Variants in ANKRD26 observed in about 807,000 individuals in gnomAD.
ANKRD26 encodes ankyrin repeat domain 26, also known as ankyrin repeat domain-containing protein 26.
ANKRD26 carries 141 observed loss-of-function variants against 208.7 expected under a neutral mutation model. That is an observed-to-expected ratio of 0.68 (90% CI 0.59 to 0.78). The LOEUF (loss-of-function observed/expected upper bound fraction) is 0.78. ANKRD26 is among the 30% of genes least tolerant of loss of function. ANKRD26 has a pLI of 0.00. For missense variants in ANKRD26, 1,889 were observed against 1,938.7 expected (o/e 0.97, Z 0.48); for synonymous variants, 636 against 660.4 (o/e 0.96, Z 0.57).
rs1205847358 is a variant in ANKRD26 at position 27,014,497 on chromosome 10, G to T, written c.4721C>A (p.Thr1574Asn). Reference sequence around the variant, plus strand: ...ATGATTCTATATTTTGACTTACTTGGTTAGTTTACTTGACAAAGATTTTCT... The same window carrying T: ...ATGATTCTATATTTTGACTTACTTGTTTAGTTTACTTGACAAAGATTTTCT... ...KVRKSLSSKL[T>N]KTNERLAEVN... Residue 1574 changes from threonine (T) to asparagine (N), a missense_variant, in exon 31 of 34, where the codon ACC (threonine) becomes AAC (asparagine). By Grantham distance (65) the Thr-to-Asn change is moderately conservative. Transcript: ENST00000376087. 3 of 1,554,714 alleles carry T rather than the reference G, an allele frequency of 1.9e-6. No homozygotes were observed. Among genetic ancestry groups the T allele is most frequent in the Non-Finnish European group, 2.7e-6 (3 of 1,131,922 alleles).
At chr10:27,037,087 A>G in intron 23 of ANKRD26, 99 bp downstream of exon 23, 1 of 1,289,024 alleles carries the variant, frequency 7.8e-7, no homozygotes, top group Non-Finnish European at 1.1e-6. Context: ...AAAATCCTCG[A>G]CACTTTCCAA....
chr10:27,013,948 C>T (rs766633774), intron 31 of ANKRD26, among the ~76,000 whole-genome samples: 3 of 152,148 alleles, frequency 2.0e-5, no homozygotes, highest in Non-Finnish European at 4.4e-5. Context: ...TTCATCCCTA[C>T]GTTAATCATT....
intron 27 of ANKRD26, among the ~76,000 whole-genome samples, chr10:27,025,368 G>T (rs539920330): frequency 5.3e-4 from 81 of 152,022 alleles, no homozygotes; most frequent in African/African-American, 1.8e-3. Flanking sequence ...ACAGAGTTTT[G>T]CTATGCTGCC....
intron 5 of ANKRD26, among the ~76,000 whole-genome samples, chr10:26,976,679 T>C (rs1437202120): frequency 6.6e-6 from 1 of 152,180 alleles, no homozygotes; most frequent in Non-Finnish European, 1.5e-5. Flanking sequence ...ATTTTTTTTT[T>C]ATTGAGGTTT....
At chr10:27,098,711 G>C (rs2056547878) in intron 1 of ANKRD26, among the ~76,000 whole-genome samples, 1 of 151,950 alleles carries the variant, frequency 6.6e-6, no homozygotes, top group Admixed American at 6.6e-5. Flanking sequence ...ACCATGCCCG[G>C]CTGATTTTTT....
downstream of ANKRD26, among the ~76,000 whole-genome samples, chr10:26,989,194 C>T (rs529599427): frequency 6.6e-6 from 1 of 152,156 alleles, no homozygotes; most frequent in East Asian, 1.9e-4. Context: ...TGGCCTTAAG[C>T]AAATGTTCCC....
intron 12 of ANKRD26, among the ~76,000 whole-genome samples, chr10:27,062,992 T>C (rs2055117027): frequency 6.6e-6 from 1 of 152,182 alleles, no homozygotes; most frequent in African/African-American, 2.4e-5. Context: ...GATCTCGAAC[T>C]CCTGACCTCA....
intron 5 of ANKRD26, among the ~76,000 whole-genome samples, chr10:26,979,178 C>T (rs1364526979): frequency 6.6e-6 from 1 of 152,112 alleles, no homozygotes; most frequent in African/African-American, 2.4e-5. Context: ...CGAGATCGCG[C>T]CACTGCACTC....
intron 4 of ANKRD26, chr10:27,088,301 A>C (rs2056188008): frequency 6.6e-6 from 1 of 152,192 alleles, no homozygotes. Context: ...AAATAGTAAA[A>C]TGGCCTTCCA....
chr10:27,030,702 A>G (rs2053836967), intron 25 of ANKRD26: 1 of 509,740 alleles, frequency 2.0e-6, no homozygotes, highest in Admixed American at 6.4e-5. Context: ...GTTTCTACTT[A>G]TATTTAATTA....
chr10:27,044,664 A>C (rs2054379222), intron 18 of ANKRD26, among the ~76,000 whole-genome samples: 1 of 152,178 alleles, frequency 6.6e-6, no homozygotes, highest in South Asian at 2.1e-4. Flanking sequence ...CAGGACTCAC[A>C]ATGCAGGTAC....
intron 18 of ANKRD26, among the ~76,000 whole-genome samples, chr10:27,045,346 C>A (rs942151964): frequency 3.3e-5 from 5 of 151,676 alleles, no homozygotes; most frequent in Admixed American, 6.6e-5. Flanking sequence ...ATTGCTTGAA[C>A]CCAGGAGACG....
At chr10:26,947,981 G>C in the ANKRD26 span, among the ~76,000 whole-genome samples, 1 of 152,160 alleles carries the variant, frequency 6.6e-6, no homozygotes, top group Non-Finnish European at 1.5e-5. Context: ...TAGCTTTGTT[G>C]CCCAGGCTGG....
Position 27,086,647 on chromosome 10 carries a change from T to C in ANKRD26, c.639-38A>G, listed in dbSNP as rs1456361044. ...AAATGTAACAAAATTATGTTAATAC[T>C]GATACAAAAAATATTTACCAAATAT... On this transcript the variant is annotated intron_variant, in intron 4 of 33. Coordinates refer to ENST00000376087, the MANE Select transcript of ANKRD26 (RefSeq NM_014915.3). 1.9e-6 allele frequency: 3 copies of C among 1,570,548 alleles called. No individual in the cohort carries two copies. In the African/African-American group the frequency reaches 4.1e-5, roughly 21 times the overall value.
At chr10:26,949,340 G>T in the ANKRD26 span, among the ~76,000 whole-genome samples, 2,735 of 151,896 alleles carry the variant, frequency 0.018, 82 homozygotes, top group African/African-American at 0.061. Flanking sequence ...ATTTGTGTTT[G>T]CATCTCTAAA....
In ANKRD26 at chr10:27,035,157, T is replaced by A. The variant is rs765808377; in HGVS notation, c.3293A>T (p.Gln1098Leu). Residue 1098 changes from glutamine to leucine, a missense_variant, in exon 24 of 34, where the codon CAA becomes CTA. Physicochemically the swap from Gln to Leu is moderately radical, Grantham distance 113 (BLOSUM62 -2). Transcript: ENST00000376087. Reference sequence around the variant, plus strand: ...ACACTGTGTTTGGCTTAGGTCCTTTTGTACCCGTTCTAAACCCAAAGTCTT... The same window carrying A: ...ACACTGTGTTTGGCTTAGGTCCTTTAGTACCCGTTCTAAACCCAAAGTCTT... The part of the protein sequence containing the change: ...REKTLGLERV[Q>L]KDLSQTQCQM... 14 of 1,613,912 alleles carry A rather than the reference T, an allele frequency of 8.7e-6. No individual in the cohort carries two copies. Among genetic ancestry groups the A allele is most frequent in the Non-Finnish European group, 1.2e-5 (14 of 1,179,946 alleles).
chr10:27,072,618 T>C (rs2055544624), intron 9 of ANKRD26, among the ~76,000 whole-genome samples: 1 of 152,174 alleles, frequency 6.6e-6, no homozygotes, highest in African/African-American at 2.4e-5. Flanking sequence ...CCACTACCAC[T>C]GCAACTGGCG....
chr10:26,956,520 A>C, the ANKRD26 span, among the ~76,000 whole-genome samples: 1 of 152,128 alleles, frequency 6.6e-6, no homozygotes. Context: ...TAATCGTAGC[A>C]CTTTGGGAGG....
chr10:27,033,129 C>T (rs2053932523), intron 25 of ANKRD26, 96 bp downstream of exon 25: 1 of 779,850 alleles, frequency 1.3e-6, no homozygotes, highest in East Asian at 3.4e-5. Context: ...ATAATGAAAA[C>T]ACAAAAGAAG....
Sources: gnomAD v4.1 joint callset for allele counts (sites outside exome capture counted in the v4.1 genomes callset) on GRCh38, gnomAD v4.1.1 for gene constraint, MANE v1.5 for transcripts, NCBI Gene and HGNC (gene_info 2026-07-23, HGNC 2026-07-21) for gene names.